DPYD: variants seen among roughly 807,000 people sequenced by gnomAD.
The protein encoded by DPYD is dihydropyrimidine dehydrogenase [NADP(+)].
A neutral mutation model predicts 116.2 loss-of-function variants in DPYD; 109 were observed. That is an observed-to-expected ratio of 0.94 (90% CI 0.80 to 1.10). The LOEUF is 1.10. DPYD is among the 50% of genes least tolerant of loss of function. The probability of loss-of-function intolerance (pLI) is 0.00; values close to 1 mark genes in which losing one functional copy is unlikely to be tolerated. For synonymous variants in DPYD, 440 were observed against 432.0 expected (o/e 1.02, Z -0.23); for missense variants, 1,302 against 1,254.5 (o/e 1.04, Z -0.57).
intron 16 of DPYD, among the ~76,000 whole-genome samples, chr1:97,323,964 C>G (rs1375221490): frequency 6.6e-6 from 1 of 151,778 alleles, no homozygotes; most frequent in Non-Finnish European, 1.5e-5. Flanking sequence ...TGATCTAGGC[C>G]TAGGCAACTG....
chr1:97,171,850 G>A (rs1656743856), intron 20 of DPYD, among the ~76,000 whole-genome samples: 1 of 152,092 alleles, frequency 6.6e-6, no homozygotes, highest in Admixed American at 6.6e-5. Context: ...CATGGAAAAA[G>A]CAGAACTTAG....
At position 97,450,126 on chromosome 1, in the gene DPYD, A is replaced by T. The variant is rs1676328873; in HGVS notation, c.1838T>A (p.Ile613Asn). 6.2e-7 allele frequency: 1 copy of T among 1,613,998 alleles called. No homozygotes were observed. Among genetic ancestry groups the T allele is most frequent in the Non-Finnish European group, 8.5e-7 (1 of 1,179,928 alleles). ...CCAATATGCAGCCGTTTTCTCACTG[A>T]TGAGCTCAATATTCAGAAAGGAGCT... Reference protein sequence around the residue: ...GQSSFLNIELISEKTAAYWCQ... With the variant: ...GQSSFLNIELNSEKTAAYWCQ... The change falls in exon 14 of 23, where the codon ATC (isoleucine) becomes AAC (asparagine). Residue 613 changes from isoleucine to asparagine, a missense_variant. Ile to Asn is a moderately radical substitution (Grantham distance 149, BLOSUM62 -3). Transcript: ENST00000370192.
At chr1:97,363,024 G>A (rs1343749278) in intron 16 of DPYD, among the ~76,000 whole-genome samples, 1 of 152,130 alleles carries the variant, frequency 6.6e-6, no homozygotes, top group Non-Finnish European at 1.5e-5. Flanking sequence ...ACAACCTACA[G>A]AATAGGAGAA....
At chr1:97,396,435 A>T (rs1673009956) in intron 14 of DPYD, among the ~76,000 whole-genome samples, 1 of 151,968 alleles carries the variant, frequency 6.6e-6, no homozygotes, top group Non-Finnish European at 1.5e-5. Context: ...TTTTTATTAT[A>T]TTCATTCTCA....
chr1:97,826,690 G>A (rs1459004055), intron 3 of DPYD, among the ~76,000 whole-genome samples: 1 of 152,000 alleles, frequency 6.6e-6, no homozygotes. Flanking sequence ...CATAATTTCT[G>A]CATTAGCTTT....
intron 8 of DPYD, among the ~76,000 whole-genome samples, chr1:97,633,379 G>T (rs1278915474): frequency 6.6e-6 from 1 of 152,070 alleles, no homozygotes; most frequent in Non-Finnish European, 1.5e-5. Context: ...CCTGGGCCTA[G>T]GGTAGTATTA....
chr1:97,169,579 T>C (rs1656577758), intron 20 of DPYD, among the ~76,000 whole-genome samples: 4 of 150,148 alleles, frequency 2.7e-5, no homozygotes, highest in East Asian at 2.0e-4. Flanking sequence ...AGTTTTGCTC[T>C]TGTTGCCCAG....
chr1:97,746,898 G>T (rs919737408), intron 3 of DPYD, among the ~76,000 whole-genome samples: 2 of 151,308 alleles, frequency 1.3e-5, no homozygotes, highest in Admixed American at 6.6e-5. Flanking sequence ...AAAAGAAAAT[G>T]TTTTTTGTTT....
chr1:97,621,556 T>G (rs1656634371), intron 8 of DPYD, among the ~76,000 whole-genome samples: 1 of 152,158 alleles, frequency 6.6e-6, no homozygotes, highest in Non-Finnish European at 1.5e-5. Context: ...TTTGTACTGA[T>G]GTCCACATAC....
chr1:97,197,348 T>G (rs1658887449), intron 19 of DPYD, among the ~76,000 whole-genome samples: 1 of 152,190 alleles, frequency 6.6e-6, no homozygotes, highest in African/African-American at 2.4e-5. Flanking sequence ...ACTCTGAGAT[T>G]CTATTTTTTT....
intron 20 of DPYD, among the ~76,000 whole-genome samples, chr1:97,138,728 A>G (rs1002905513): frequency 6.6e-6 from 1 of 152,186 alleles, no homozygotes; most frequent in African/African-American, 2.4e-5. Flanking sequence ...AGAAGAATTC[A>G]TGTTAGTCTA....
At chr1:97,224,872 C>T (rs571917137) in intron 19 of DPYD, among the ~76,000 whole-genome samples, 2 of 151,854 alleles carry the variant, frequency 1.3e-5, no homozygotes, top group East Asian at 3.9e-4. Flanking sequence ...AACTCCATTG[C>T]GTATATATGC....
At chr1:97,865,645 T>C (rs1306793795) in intron 2 of DPYD, among the ~76,000 whole-genome samples, 2 of 151,888 alleles carry the variant, frequency 1.3e-5, no homozygotes, top group African/African-American at 2.4e-5. Context: ...GTATAAGAGG[T>C]AGATCTCAAA....
At chr1:97,857,429 C>G (rs1670899342) in intron 2 of DPYD, among the ~76,000 whole-genome samples, 1 of 152,120 alleles carries the variant, frequency 6.6e-6, no homozygotes, top group Admixed American at 6.6e-5. Flanking sequence ...TGAGCCCCAT[C>G]CCCCAACTTC....
At chr1:97,596,706 C>T (rs577962664) in intron 8 of DPYD, among the ~76,000 whole-genome samples, 1 of 152,162 alleles carries the variant, frequency 6.6e-6, no homozygotes, top group African/African-American at 2.4e-5. Context: ...AAGGTGGGTG[C>T]CATATCTGAT....
chr1:97,101,444 G>A (rs1239301478), intron 20 of DPYD, among the ~76,000 whole-genome samples: 1 of 133,018 alleles, frequency 7.5e-6, no homozygotes, highest in Non-Finnish European at 1.5e-5. Context: ...ACTACATTTA[G>A]GCATACATTT....
chr1:97,644,820 A>C (rs981865501), intron 8 of DPYD, among the ~76,000 whole-genome samples: 2 of 152,026 alleles, frequency 1.3e-5, no homozygotes, highest in Admixed American at 1.3e-4. Context: ...TAATATATTC[A>C]CATATGCAAA....
In DPYD at chr1:97,845,282, A is replaced by G. The variant is rs148746321; in HGVS notation, c.151-17086T>C. On this transcript the variant is annotated intron_variant, in intron 2 of 22. Coordinates refer to ENST00000370192, the MANE Select transcript of DPYD (RefSeq NM_000110.4). ...TTTCTGGACCTGCCCACAGCCACCT[A>G]TAGACCAATCAGCACACACTTACTC... 1.2e-3 allele frequency among the ~76,000 whole-genome samples: 182 copies of G among 152,208 alleles called. 3 individuals carry two copies. The highest frequency in any genetic ancestry group is 3.5e-3 in the Admixed American group (54 of 15,296).
At chr1:97,102,749 A>G (rs377519760) in intron 20 of DPYD, among the ~76,000 whole-genome samples, 1 of 151,956 alleles carries the variant, frequency 6.6e-6, no homozygotes, top group Non-Finnish European at 1.5e-5. Flanking sequence ...TGTAGTACAA[A>G]TTATCATTGT....
Sources: allele counts gnomAD v4.1 joint callset (sites outside exome capture counted in the v4.1 genomes callset), GRCh38; gene constraint gnomAD v4.1.1; transcripts MANE v1.5; gene names NCBI Gene and HGNC (gene_info 2026-07-23, HGNC 2026-07-21).